The following PARP15 variants were observed in gnomAD, a reference collection of about 807,000 sequenced individuals.
PARP15 encodes the protein poly(ADP-ribose) polymerase family member 15.
PARP15 carries 50 observed loss-of-function variants against 62.1 expected under a neutral mutation model. The ratio of observed to expected loss-of-function variants is 0.81; its 90% confidence interval spans 0.64 to 1.02. The LOEUF is 1.02. PARP15 is among the 50% of genes least tolerant of loss of function. The pLI, the probability that PARP15 is intolerant of heterozygous loss-of-function variation, is 0.00. For missense variants in PARP15, 820 were observed against 826.5 expected, an observed-to-expected ratio of 0.99 and a Z score of 0.10; for synonymous variants, 309 against 293.1, an observed-to-expected ratio of 1.05 and a Z score of -0.55.
In PARP15 at chr3:122,636,070, C is replaced by T; in HGVS notation, c.2007C>T (p.Tyr669=). 1 of 1,612,628 alleles carries T rather than the reference C, an allele frequency of 6.2e-7. No individual in the cohort carries two copies. Among genetic ancestry groups the T allele is most frequent in the South Asian group, 1.1e-5 (1 of 91,030 alleles). The change falls in exon 12 of 12, where the codon TAC becomes TAT. Residue 669 remains tyrosine (Y), a synonymous_variant. Coordinates refer to ENST00000464300, the MANE Select transcript of PARP15 (RefSeq NM_001113523.3). ...TGGTATTCTTTGATAATCAGGCTTA[C>T]CCAGAATATCTCATAACTTTCACGG... is the stretch of plus-strand genomic sequence containing the variant. ...LFVVFFDNQA[Y]PEYLITFTA
intron 1 of PARP15, among the ~76,000 whole-genome samples, 161 bp downstream of exon 1, chr3:122,578,014 G>C (rs2080719199): frequency 6.6e-6 from 1 of 151,620 alleles, no homozygotes; most frequent in South Asian, 2.1e-4. Flanking sequence ...GGAAGAGGGG[G>C]ATGCGTGCTG....
At chr3:122,620,441 G>A (rs1447561298) in intron 7 of PARP15, among the ~76,000 whole-genome samples, 1 of 152,156 alleles carries the variant, frequency 6.6e-6, no homozygotes, top group Non-Finnish European at 1.5e-5. Flanking sequence ...ACTCAGCTAT[G>A]AGTATGCTTT....
At chr3:122,631,457 T>G (rs1937056252) in intron 9 of PARP15, among the ~76,000 whole-genome samples, 1 of 152,236 alleles carries the variant, frequency 6.6e-6, no homozygotes, top group Non-Finnish European at 1.5e-5. Context: ...GGTGTATCTC[T>G]AATGCAGGGT....
chr3:122,583,873 C>T (rs944528639), intron 1 of PARP15, among the ~76,000 whole-genome samples: 1 of 152,186 alleles, frequency 6.6e-6, no homozygotes, highest in Non-Finnish European at 1.5e-5. Flanking sequence ...ACTCTCTCCT[C>T]TCCAGTACTC....
At chr3:122,632,309 T>C in intron 10 of PARP15, 90 bp downstream of exon 10, 2 of 1,223,046 alleles carry the variant, frequency 1.6e-6, no homozygotes, top group Non-Finnish European at 2.3e-6. Flanking sequence ...CCTTCCTTTG[T>C]ACCTTACTAT....
chr3:122,632,823 T>C (rs1937136374), intron 10 of PARP15, among the ~76,000 whole-genome samples: 1 of 152,206 alleles, frequency 6.6e-6, no homozygotes, highest in African/African-American at 2.4e-5. Context: ...GTGATCCATA[T>C]TGAAATCCTG....
intron 1 of PARP15, among the ~76,000 whole-genome samples, chr3:122,593,637 A>G (rs934794203): frequency 6.6e-6 from 1 of 152,214 alleles, no homozygotes; most frequent in Non-Finnish European, 1.5e-5. Context: ...ATACTAATGT[A>G]TAGGACATTA....
rs747548533 is a variant in PARP15 at position 122,621,585 on chromosome 3, C to T, written c.1205C>T (p.Ser402Leu). The change falls in exon 8 of 12, where the codon TCG (serine) becomes TTG (leucine). Residue 402 changes from serine to leucine, a missense_variant. Ser to Leu is a moderately radical substitution (Grantham distance 145). This residue lies in a region of PARP15 where 731 missense variants were observed against 727.7 expected (regional missense o/e 1.00). Coordinates refer to ENST00000464300, the MANE Select transcript of PARP15 (RefSeq NM_001113523.3). ...GAGTGTGAACAGAGGAAGTACACAT[C>T]GGTTTCCCTTCCAGCCATTGGAACA... Reference protein sequence around the residue: ...LEECEQRKYTSVSLPAIGTGN... With the variant: ...LEECEQRKYTLVSLPAIGTGN... 33 of 1,600,142 alleles carry T rather than the reference C, an allele frequency of 2.1e-5. No individual in the cohort carries two copies. The highest frequency in any genetic ancestry group is 1.6e-4 in the East Asian group (7 of 44,784).
intron 1 of PARP15, among the ~76,000 whole-genome samples, chr3:122,600,474 A>C (rs1414419636): frequency 1.3e-5 from 2 of 152,116 alleles, no homozygotes; most frequent in Non-Finnish European, 2.9e-5. Context: ...ATTCCTTCAT[A>C]AGGCAGCTCT....
chr3:122,611,485 C>A lies in PARP15; in HGVS notation c.543+755C>A, dbSNP rs567141234. ...TCCTGAATAGCTGGGATTACAGGTG[C>A]CCACCACGGGGCCTGGCTAATTTTT... is the stretch of plus-strand genomic sequence containing the variant. On this transcript the variant is annotated intron_variant, in intron 3 of 11. Transcript: ENST00000464300. Among the ~76,000 whole-genome samples, 24 of 150,028 alleles carry A rather than the reference C, an allele frequency of 1.6e-4. No homozygotes were observed. In the East Asian group the frequency reaches 4.9e-3, roughly 30 times the overall value.
At chr3:122,586,511 A>G (rs982542981) in intron 1 of PARP15, among the ~76,000 whole-genome samples, 2 of 129,284 alleles carry the variant, frequency 1.5e-5, no homozygotes, top group Non-Finnish European at 3.3e-5. Flanking sequence ...TGCCCAACCC[A>G]TATGTAAACT....
chr3:122,592,174 A>G (rs1378732094), intron 1 of PARP15, among the ~76,000 whole-genome samples: 1 of 152,244 alleles, frequency 6.6e-6, no homozygotes, highest in African/African-American at 2.4e-5. Flanking sequence ...ACAATAGCAA[A>G]GACATGGAAT....
intron 9 of PARP15, among the ~76,000 whole-genome samples, chr3:122,629,754 G>T (rs550724349): frequency 6.6e-6 from 1 of 152,146 alleles, no homozygotes; most frequent in East Asian, 1.9e-4. Flanking sequence ...AGTCCCATCT[G>T]GGGGTGATGG....
At chr3:122,631,035 A>G (rs889758152) in intron 9 of PARP15, among the ~76,000 whole-genome samples, 4 of 152,296 alleles carry the variant, frequency 2.6e-5, no homozygotes, top group East Asian at 3.9e-4. Context: ...CATGAAAGGA[A>G]TAGAAGGCCC....
intron 1 of PARP15, among the ~76,000 whole-genome samples, chr3:122,602,506 G>A (rs879843415): frequency 2.0e-5 from 3 of 152,070 alleles, no homozygotes; most frequent in South Asian, 2.1e-4. Context: ...TTTCTCCTGC[G>A]GGCACAACCT....
chr3:122,620,276 A>G (rs1161043895), intron 7 of PARP15, among the ~76,000 whole-genome samples: 4 of 152,226 alleles, frequency 2.6e-5, no homozygotes, highest in Admixed American at 2.6e-4. Flanking sequence ...GTGCTGTACA[A>G]ACTTTCCCCA....
intron 1 of PARP15, 114 bp downstream of exon 1, chr3:122,577,967 T>C: frequency 1.7e-6 from 2 of 1,156,188 alleles, no homozygotes; most frequent in East Asian, 5.9e-5. Flanking sequence ...CAACCCTCTC[T>C]TCTAGGGGGC....
chr3:122,585,106 C>T (rs1311534163), intron 1 of PARP15, among the ~76,000 whole-genome samples: 7 of 152,044 alleles, frequency 4.6e-5, no homozygotes, highest in East Asian at 1.9e-4. Context: ...CTTTTGTCAC[C>T]GAACTAAACT....
chr3:122,603,512 AT>A (rs1559948785), intron 1 of PARP15, among the ~76,000 whole-genome samples: 1 of 152,226 alleles, frequency 6.6e-6, no homozygotes, highest in Non-Finnish European at 1.5e-5. Flanking sequence ...TTTTGATTGA[AT>A]TTGATATGTT....
Sources: gnomAD v4.1 joint callset for allele counts (sites outside exome capture counted in the v4.1 genomes callset) on GRCh38, gnomAD v4.1.1 for gene constraint, gnomAD v4.1.1 regional missense constraint, MANE v1.5 for transcripts, NCBI Gene and HGNC (gene_info 2026-07-23, HGNC 2026-07-21) for gene names.